INTS4: variants seen among roughly 807,000 people sequenced by gnomAD.
INTS4 encodes MSTP093.
Under a neutral mutation model 119.5 loss-of-function variants are expected in INTS4, and 70 were observed. The observed-to-expected ratio is 0.59, with a 90% CI of 0.48 to 0.71. INTS4 has a LOEUF of 0.71. Among genes scored for constraint, INTS4 ranks in the 30% least tolerant of loss-of-function variants. The pLI, the probability that INTS4 is intolerant of heterozygous loss-of-function variation, is 0.00. For synonymous variants in INTS4, 316 were observed against 419.6 expected (o/e 0.75, Z 3.02); for missense variants, 867 against 1,173.2 (o/e 0.74, Z 3.81).
intron 4 of INTS4, chr11:77,978,309 GAATAT>G (rs1241523175): frequency 6.6e-6 from 1 of 152,090 alleles, no homozygotes; most frequent in Non-Finnish European, 1.5e-5. Context: ...CTAATTTCAA[GAATAT>G]AATACTCTAA....
intron 8 of INTS4, among the ~76,000 whole-genome samples, chr11:77,947,699 T>C (rs888314694): frequency 6.6e-6 from 1 of 152,064 alleles, no homozygotes; most frequent in African/African-American, 2.4e-5. Context: ...CAGCTACAAA[T>C]AGTAGCTAAG....
intron 8 of INTS4, among the ~76,000 whole-genome samples, chr11:77,951,285 T>C (rs1954188759): frequency 6.6e-6 from 1 of 152,096 alleles, no homozygotes; most frequent in Non-Finnish European, 1.5e-5. Context: ...TCAAGATCCC[T>C]GAGGAATCGC....
intron 8 of INTS4, among the ~76,000 whole-genome samples, chr11:77,947,617 G>A (rs1467288453): frequency 6.6e-6 from 1 of 152,148 alleles, no homozygotes. Context: ...AAACCCCAGT[G>A]ATACAATATG....
chr11:77,900,965 C>T (rs1952760586), intron 18 of INTS4, among the ~76,000 whole-genome samples: 1 of 152,090 alleles, frequency 6.6e-6, no homozygotes, highest in South Asian at 2.1e-4. Flanking sequence ...AGGTTCATAA[C>T]CAAACAACTA....
downstream of INTS4, chr11:77,877,013 A>C (rs746882267): frequency 1.4e-6 from 1 of 703,194 alleles, no homozygotes; most frequent in South Asian, 1.5e-5. Context: ...CCACCTGGCT[A>C]CAGCTTCATG....
intron 8 of INTS4, among the ~76,000 whole-genome samples, chr11:77,946,826 C>A (rs1351095682): frequency 6.7e-6 from 1 of 149,328 alleles, no homozygotes; most frequent in Non-Finnish European, 1.5e-5. Flanking sequence ...TTACAAAATG[C>A]CTGAAAAGGA....
chr11:77,929,280 T>A (rs1037543262), intron 10 of INTS4, among the ~76,000 whole-genome samples: 2 of 152,064 alleles, frequency 1.3e-5, no homozygotes, highest in Admixed American at 1.3e-4. Flanking sequence ...TCTCTACTCC[T>A]CTCATTCTAT....
chr11:77,961,695 G>T (rs1038166597), intron 4 of INTS4, among the ~76,000 whole-genome samples: 2 of 151,980 alleles, frequency 1.3e-5, no homozygotes, highest in African/African-American at 4.8e-5. Flanking sequence ...TAACACACAG[G>T]TTCATTTGTT....
chr11:77,917,921 A>T, intron 15 of INTS4: 2 of 607,278 alleles, frequency 3.3e-6, no homozygotes, highest in Non-Finnish European at 3.0e-6. Context: ...CGCTCCTTGA[A>T]GTGAGAGATG....
intron 3 of INTS4, 64 bp from the exon 4 acceptor site, chr11:77,979,166 T>G (rs1286614946): frequency 6.6e-6 from 6 of 903,192 alleles, no homozygotes; most frequent in Admixed American, 3.5e-5. Context: ...TAAACTAATT[T>G]ACTTGGGTAA....
At chr11:77,974,186 A>C (rs1038529669) in intron 4 of INTS4, among the ~76,000 whole-genome samples, 1 of 146,664 alleles carries the variant, frequency 6.8e-6, no homozygotes, top group Non-Finnish European at 1.5e-5. Context: ...CTTTCTAATA[A>C]TTTGTCCACT....
intron 8 of INTS4, among the ~76,000 whole-genome samples, chr11:77,943,817 G>A (rs1322173577): frequency 6.6e-6 from 1 of 152,158 alleles, no homozygotes; most frequent in African/African-American, 2.4e-5. Flanking sequence ...CCTGCTTTAA[G>A]AACAAAAACT....
chr11:77,979,459 A>G (rs954046429), intron 3 of INTS4, among the ~76,000 whole-genome samples: 39 of 152,050 alleles, frequency 2.6e-4, no homozygotes, highest in Admixed American at 2.5e-3. Context: ...TGGGCAACAG[A>G]GCGAGACCCA....
chr11:77,981,556 T>A lies in INTS4; in HGVS notation c.267A>T (p.Arg89Ser), dbSNP rs1856220874. 1.3e-6 allele frequency: 2 copies of A among 1,575,762 alleles called. No homozygotes were observed. The highest frequency in any genetic ancestry group is 1.8e-5 in the Admixed American group (1 of 56,654). The change falls in exon 3 of 23, where the codon AGA becomes AGT. Residue 89 changes from arginine (R) to serine (S), a missense_variant. This residue lies in a region of INTS4 where 224 missense variants were observed against 231.8 expected (regional missense o/e 0.97). Coordinates refer to ENST00000534064, the MANE Select transcript of INTS4 (RefSeq NM_033547.4). ...HYYKENDPSV[R>S]LKIASLLGLL... is the part of the protein sequence containing the mutation. The stretch of plus-strand genomic sequence containing the variant: ...AACCCAACAATGATGCAATTTTCAG[T>A]CTCACAGATGGATCATTCTCCTGGA...
At chr11:77,924,927 T>G in intron 11 of INTS4, 35 bp from the exon 12 acceptor site, 1 of 1,552,836 alleles carries the variant, frequency 6.4e-7, no homozygotes, top group Non-Finnish European at 8.8e-7. Context: ...CAGTAGTTAC[T>G]GTTGGTTAGC....
intron 7 of INTS4, among the ~76,000 whole-genome samples, chr11:77,958,004 T>C (rs1338346962): frequency 6.6e-6 from 1 of 152,054 alleles, no homozygotes; most frequent in Non-Finnish European, 1.5e-5. Context: ...AATAAATCAA[T>C]ATAAAACTTA....
intron 18 of INTS4, among the ~76,000 whole-genome samples, chr11:77,898,005 G>A (rs1952605659): frequency 6.6e-6 from 1 of 151,906 alleles, no homozygotes; most frequent in Non-Finnish European, 1.5e-5. Flanking sequence ...TAGAGACAGG[G>A]TCTCATTATG....
At chr11:77,913,112 A>G (rs1311215553) in intron 15 of INTS4, among the ~76,000 whole-genome samples, 1 of 152,150 alleles carries the variant, frequency 6.6e-6, no homozygotes, top group Non-Finnish European at 1.5e-5. Context: ...TAACACAAAA[A>G]TGTAAACTTT....
rs147586566 is a variant in INTS4 at position 77,968,153 on chromosome 11, G to T, written c.472-7015C>A. 2.3e-3 allele frequency among the ~76,000 whole-genome samples: 348 copies of T among 152,154 alleles called. 1 individual carries two copies. The highest frequency in any genetic ancestry group is 8.0e-3 in the African/African-American group (331 of 41,508). On this transcript the variant is annotated intron_variant, in intron 4 of 22. Transcript: ENST00000534064. The stretch of plus-strand genomic sequence containing the variant: ...AAAATATAATATTATAACCTTATGG[G>T]ACCACTGTTGTATATGCAGTCCATC...
Sources: gnomAD v4.1 joint callset for allele counts (sites outside exome capture counted in the v4.1 genomes callset) on GRCh38, gnomAD v4.1.1 for gene constraint, gnomAD v4.1.1 regional missense constraint, MANE v1.5 for transcripts, NCBI Gene and HGNC (gene_info 2026-07-23, HGNC 2026-07-21) for gene names.